The following CSMD1 variants were observed in gnomAD, a reference collection of about 807,000 sequenced individuals.
The protein encoded by CSMD1 is CUB and sushi domain-containing protein 1.
Under a neutral mutation model 417.5 loss-of-function variants are expected in CSMD1, and 213 were observed. The ratio of observed to expected loss-of-function variants is 0.51; its 90% CI spans 0.46 to 0.57. The LOEUF (loss-of-function observed/expected upper bound fraction) is 0.57. Among genes scored for constraint, CSMD1 ranks in the 20% least tolerant of loss-of-function variants. The pLI is 0.00. For missense variants in CSMD1, 6,923 were observed against 4,529.7 expected, an observed-to-expected ratio of 1.53 and a Z score of -15.17; for synonymous variants, 2,862 against 1,736.8, an observed-to-expected ratio of 1.65 and a Z score of -16.11.
intron 5 of CSMD1, among the ~76,000 whole-genome samples, chr8:3,883,961 G>C (rs1295838025): frequency 6.6e-6 from 1 of 152,070 alleles, no homozygotes. Flanking sequence ...CATAGATATA[G>C]AGTGTGCACA....
At chr8:4,871,233 G>T (rs1563638978) in intron 1 of CSMD1, among the ~76,000 whole-genome samples, 2 of 152,116 alleles carry the variant, frequency 1.3e-5, no homozygotes, top group South Asian at 4.1e-4. Flanking sequence ...GTGGTCCAGA[G>T]CTAGCATGTG....
chr8:4,469,423 T>C lies in CSMD1; in HGVS notation c.303-49358A>G, dbSNP rs146433742. Among the ~76,000 whole-genome samples the C allele has an allele frequency of 3.9e-5, 6 of 152,314 alleles. No individual in the cohort carries two copies. The East Asian group carries it at 1.2e-3, about 29-fold the overall frequency. ...TTCTGCCGTATTTTCAGATTACAAG[T>C]ATCATCTGGGACTGCAAATTGTGTT... is the stretch of plus-strand genomic sequence containing the variant. On this transcript the variant is annotated intron_variant, in intron 2 of 69. Transcript: ENST00000635120.
At chr8:3,618,170 TA>T (rs558558517) in intron 7 of CSMD1, among the ~76,000 whole-genome samples, 8 of 150,176 alleles carry the variant, frequency 5.3e-5, no homozygotes, top group Admixed American at 3.3e-4. Flanking sequence ...CCCAGATAAT[TA>T]AAAAAAAAAT....
chr8:4,384,618 A>AG (rs1310069313), intron 3 of CSMD1, among the ~76,000 whole-genome samples: 6 of 151,182 alleles, frequency 4.0e-5, no homozygotes, highest in African/African-American at 1.5e-4. Flanking sequence ...ATAAAATAGA[A>AG]GATTTTTTTT....
chr8:4,215,720 A>T (rs1302487845), intron 3 of CSMD1, among the ~76,000 whole-genome samples: 3 of 152,196 alleles, frequency 2.0e-5, no homozygotes, highest in Admixed American at 6.5e-5. Context: ...TCAAATGTAC[A>T]TGTGAATCTT....
intron 1 of CSMD1, among the ~76,000 whole-genome samples, chr8:4,982,302 G>C (rs1484440177): frequency 1.3e-5 from 2 of 152,200 alleles, no homozygotes; most frequent in Non-Finnish European, 2.9e-5. Context: ...TCAAATGGGA[G>C]ATTGCTCCCC....
At chr8:4,890,555 C>G (rs1309258269) in intron 1 of CSMD1, among the ~76,000 whole-genome samples, 1 of 149,702 alleles carries the variant, frequency 6.7e-6, no homozygotes, top group African/African-American at 2.5e-5. Context: ...CCTTCAGGTC[C>G]TCACAGTCAT....
At chr8:4,829,729 C>T (rs1335514427) in intron 1 of CSMD1, among the ~76,000 whole-genome samples, 2 of 122,014 alleles carry the variant, frequency 1.6e-5, no homozygotes, top group Admixed American at 8.8e-5. Context: ...CAGAGTGAGA[C>T]CCTGTCTCAA....
intron 1 of CSMD1, among the ~76,000 whole-genome samples, chr8:4,825,221 T>C (rs1427050038): frequency 6.6e-6 from 1 of 152,082 alleles, no homozygotes; most frequent in South Asian, 2.1e-4. Context: ...ATACTGCACG[T>C]TTAATATACA....
chr8:4,054,548 G>T (rs1798594572), intron 3 of CSMD1, among the ~76,000 whole-genome samples: 1 of 152,006 alleles, frequency 6.6e-6, no homozygotes, highest in African/African-American at 2.4e-5. Context: ...TGCCTGAGAT[G>T]TCCCTCTTGC....
At chr8:3,193,562 A>G (rs1796540530) in intron 33 of CSMD1, among the ~76,000 whole-genome samples, 1 of 152,074 alleles carries the variant, frequency 6.6e-6, no homozygotes, top group South Asian at 2.1e-4. Flanking sequence ...ACGGCATCCG[A>G]GAGAAAAATT....
At chr8:4,751,435 A>G (rs1186629471) in intron 1 of CSMD1, among the ~76,000 whole-genome samples, 2 of 152,024 alleles carry the variant, frequency 1.3e-5, no homozygotes, top group Non-Finnish European at 2.9e-5. Context: ...CTATAAAATT[A>G]ATTTGATTTC....
chr8:4,400,048 C>T (rs914251306), intron 3 of CSMD1, among the ~76,000 whole-genome samples: 4 of 152,100 alleles, frequency 2.6e-5, no homozygotes, highest in African/African-American at 9.7e-5. Flanking sequence ...ACATAATTAA[C>T]TTATGGACAG....
At chr8:3,410,608 T>A (rs563928656) in intron 12 of CSMD1, among the ~76,000 whole-genome samples, 1 of 152,332 alleles carries the variant, frequency 6.6e-6, no homozygotes, top group Admixed American at 6.5e-5. Flanking sequence ...TTGTGAGGCC[T>A]CTCCAGCCAT....
At chr8:4,240,355 C>T (rs1047402297) in intron 3 of CSMD1, among the ~76,000 whole-genome samples, 1 of 152,214 alleles carries the variant, frequency 6.6e-6, no homozygotes, top group Non-Finnish European at 1.5e-5. Context: ...AAGGAAACTC[C>T]TGCATTCTGG....
chr8:3,404,149 C>A (rs1286030827), intron 15 of CSMD1, among the ~76,000 whole-genome samples: 1 of 152,054 alleles, frequency 6.6e-6, no homozygotes, highest in African/African-American at 2.4e-5. Flanking sequence ...GCCTGGCCAA[C>A]ATGTTGAAAC....
intron 3 of CSMD1, among the ~76,000 whole-genome samples, chr8:4,400,737 C>G (rs1804588122): frequency 6.8e-6 from 1 of 147,568 alleles, no homozygotes; most frequent in African/African-American, 2.5e-5. Context: ...AAGAGTTTCT[C>G]TCTAATAGAG....
At chr8:3,461,278 A>G (rs1816483656) in intron 12 of CSMD1, among the ~76,000 whole-genome samples, 1 of 152,208 alleles carries the variant, frequency 6.6e-6, no homozygotes, top group African/African-American at 2.4e-5. Flanking sequence ...CTGCAAGTCC[A>G]GAAGGCTTTT....
At chr8:2,939,157 A>C (rs1801694801) in intron 69 of CSMD1, among the ~76,000 whole-genome samples, 1 of 152,178 alleles carries the variant, frequency 6.6e-6, no homozygotes, top group Non-Finnish European at 1.5e-5. Context: ...GAAGGTCCCA[A>C]AGGCTGAATC....
Sources: allele counts gnomAD v4.1 joint callset (sites outside exome capture counted in the v4.1 genomes callset), GRCh38; gene constraint gnomAD v4.1.1; transcripts MANE v1.5; gene names NCBI Gene and HGNC (gene_info 2026-07-23, HGNC 2026-07-21).